GZMM: variants seen among roughly 807,000 people sequenced by gnomAD.
GZMM encodes HU-Met-1.
GZMM carries 23 observed loss-of-function variants against 19.2 expected under a neutral mutation model. That is an observed-to-expected ratio of 1.20 (90% confidence interval 0.86 to 1.69). The LOEUF is 1.69. Among genes scored for constraint, GZMM ranks in the 40% most tolerant of loss-of-function variants. The pLI, the probability that GZMM is intolerant of heterozygous loss-of-function variation, is 0.00. For synonymous variants in GZMM, 178 were observed against 160.2 expected, an observed-to-expected ratio of 1.11 and a Z score of -0.84; for missense variants, 373 against 352.2, an observed-to-expected ratio of 1.06 and a Z score of -0.47.
intron 3 of GZMM, 71 bp from the exon 4 acceptor site, chr19:548,851 C>A (rs1403076363): frequency 3.3e-6 from 2 of 604,882 alleles, no homozygotes; most frequent in Non-Finnish European, 5.6e-6. Flanking sequence ...ACCCCTCCCC[C>A]CGCTGCCGCC....
rs569015004 is a variant in GZMM at position 549,916 on chromosome 19, G to A, written c.*125G>A. On this transcript the variant is annotated 3_prime_UTR_variant, in exon 5 of 5. Transcript: ENST00000264553. ...GACCAATAAATCATAATGAAGAAAC[G>A]CTCAGAGCCCGCCTGAGTCCCAGCC... 2.1e-5 allele frequency: 16 copies of A among 748,284 alleles called. No individual in the cohort carries two copies. Among genetic ancestry groups the A allele is most frequent in the Middle Eastern group, 7.7e-4 (2 of 2,586 alleles). The allele number at this position is 748,284 out of a possible 1,614,324, so 46.4% of individuals were successfully genotyped here.
At chr19:545,747 G>C (rs576262399) in intron 1 of GZMM, among the ~76,000 whole-genome samples, 2 of 151,816 alleles carry the variant, frequency 1.3e-5, no homozygotes, top group South Asian at 2.1e-4. Flanking sequence ...GGGTTCAAGC[G>C]ATTCTCCTGT....
chr19:544,174 C>T (rs749793332), intron 1 of GZMM, 48 bp downstream of exon 1: 70 of 1,481,476 alleles, frequency 4.7e-5, no homozygotes, highest in East Asian at 1.5e-4. Flanking sequence ...CCAGCGCTCT[C>T]GGTGGGTCCC....
Position 547,315 on chromosome 19 carries a change from G to C in GZMM, c.91G>C (p.Glu31Gln). ...SFGTQIIGGR[E>Q]VIPHSRPYMA... ...TGGGACCCAGATCATCGGGGGCCGGGAGGTGATCCCCCACTCGCGCCCGTA... is the reference window on the plus strand; with the variant it reads ...TGGGACCCAGATCATCGGGGGCCGGCAGGTGATCCCCCACTCGCGCCCGTA... Residue 31 changes from glutamate to glutamine, a missense_variant, in exon 2 of 5, where the codon GAG (glutamate) becomes CAG (glutamine). By Grantham distance (29) the Glu-to-Gln change is conservative (BLOSUM62 2). Transcript: ENST00000264553. 1 of 1,570,932 alleles carries C rather than the reference G, an allele frequency of 6.4e-7. No homozygotes were observed. Among genetic ancestry groups the C allele is most frequent in the Non-Finnish European group, 8.6e-7 (1 of 1,159,638 alleles).
intron 4 of GZMM, 40 bp downstream of exon 4, chr19:549,225 C>G: frequency 6.6e-7 from 1 of 1,518,088 alleles, no homozygotes; most frequent in East Asian, 2.5e-5. Context: ...ATGAGGCTGG[C>G]GGGAGGGCCG....
At chr19:546,781 T>C in intron 1 of GZMM, among the ~76,000 whole-genome samples, 1 of 151,754 alleles carries the variant, frequency 6.6e-6, no homozygotes, top group Admixed American at 6.6e-5. Context: ...GAGCTTGCAG[T>C]GAGCCGAGAT....
chr19:548,837 T>G, intron 3 of GZMM, 85 bp from the exon 4 acceptor site: 2 of 320,564 alleles, frequency 6.2e-6, no homozygotes, highest in Non-Finnish European at 5.7e-6. Flanking sequence ...CTCCCCCCAC[T>G]GCCACCCCTC....
intron 1 of GZMM, 50 bp from the exon 2 acceptor site, chr19:547,230 C>CA: frequency 7.0e-7 from 1 of 1,433,574 alleles, no homozygotes; most frequent in African/African-American, 1.5e-5. Context: ...TCGCAGCAGG[C>CA]AGCAGGGGCA....
At position 549,751 on chromosome 19, in the gene GZMM, AC is replaced by A. The variant is rs1408799417; in HGVS notation, c.735del (p.Tyr245Ter). On this transcript the variant is annotated frameshift_variant, in exon 5 of 5. Transcript: ENST00000264553. LOFTEE classifies it low-confidence loss of function (END_TRUNC). ...CCCGTGGCCACCGCTGTGGCGCCTTACGTGTCCTGGATCAGGAAGGTCACCG... is the reference window on the plus strand; with the variant it reads ...CCCGTGGCCACCGCTGTGGCGCCTTAGTGTCCTGGATCAGGAAGGTCACCG... ...KPPVATAVAP[Y>X]VSWIRKVTGR... The A allele has an allele frequency of 1.2e-6, 2 of 1,613,412 alleles. No homozygotes were observed. The highest frequency in any genetic ancestry group is 1.7e-6 in the Non-Finnish European group (2 of 1,179,922).
Position 549,546 on chromosome 19 carries a change from TGGCCCTGCTCCCCTCGGCG to T in GZMM, c.613-67_613-49del, listed in dbSNP as rs778685093. On this transcript the variant is annotated intron_variant, in intron 4 of 4. Transcript: ENST00000264553. ...TCCTTGAGCCTGGGGATAACAGGCC[TGGCCCTGCTCCCCTCGGCG>T]GGCCCTGCTCCCCTCGTCCCCTCAG... 2.5e-3 allele frequency: 3,463 copies of T among 1,396,512 alleles called. 4 individuals are homozygous for T. Among genetic ancestry groups the T allele is most frequent in the Non-Finnish European group, 3.1e-3 (3,145 of 1,030,792 alleles). The allele number at this position is 1,396,512 out of a possible 1,614,324, so 86.5% of individuals were successfully genotyped here.
chr19:546,763 A>G (rs1370254121), intron 1 of GZMM, among the ~76,000 whole-genome samples: 8 of 152,002 alleles, frequency 5.3e-5, no homozygotes, highest in Non-Finnish European at 1.5e-5. Flanking sequence ...GCATGAACCC[A>G]GGAGGCGGAG....
chr19:547,297 C>T lies in GZMM; in HGVS notation c.73C>T (p.Gln25Ter). ...ALSVGSSFGTQIIGGREVIPH... is the reference protein window; with the variant it reads ...ALSVGSSFGT ...CCTGGCAGGCAGCTCCTTTGGGACC[C>T]AGATCATCGGGGGCCGGGAGGTGAT... Residue 25 changes from glutamine (Q) to a stop codon, truncating the protein, a stop_gained, in exon 2 of 5, where the codon CAG becomes TAG. Transcript: ENST00000264553. LOFTEE classifies it high-confidence loss of function. 1 of 1,545,124 alleles carries T rather than the reference C, an allele frequency of 6.5e-7. No homozygotes were observed. The highest frequency in any genetic ancestry group is 8.7e-7 in the Non-Finnish European group (1 of 1,147,070).
Position 549,842 on chromosome 19 carries a change from T to C in GZMM, c.*51T>C. On this transcript the variant is annotated 3_prime_UTR_variant, in exon 5 of 5. Transcript: ENST00000264553. ...CGCTGTCTCCACAGGACCCTTCCCC[T>C]CCAGGGGTGCAGTGGGGTGGGTGAG... The C allele has an allele frequency of 1.2e-6, 1 of 805,456 alleles. No homozygotes were observed. Among genetic ancestry groups the C allele is most frequent in the Non-Finnish European group, 1.9e-6 (1 of 520,162 alleles). 49.9% of individuals were successfully genotyped at this position (805,456 alleles called of 1,614,324 possible).
rs1371255813 is a variant in GZMM at position 545,648 on chromosome 19, A to AT, written c.55+1534dup. 7.0e-3 allele frequency among the ~76,000 whole-genome samples: 693 copies of AT among 99,140 alleles called. 3 individuals carry two copies. The highest frequency in any genetic ancestry group is 0.069 in the Middle Eastern group (7 of 102). The allele number at this position is 99,140 out of a possible 152,430, so 65.0% of individuals were successfully genotyped here. ...AGGCGTGAGCCACCGCGCCCGGCCT[A>AT]TTTTTTTTTTTTAAGATGGAGTTCT... On this transcript the variant is annotated intron_variant, in intron 1 of 4. Coordinates refer to ENST00000264553, the MANE Select transcript of GZMM (RefSeq NM_005317.4).
chr19:544,176 G>A (rs2145856672), intron 1 of GZMM, 50 bp downstream of exon 1: 2 of 1,477,928 alleles, frequency 1.4e-6, no homozygotes, highest in Admixed American at 2.0e-5. Context: ...AGCGCTCTCG[G>A]TGGGTCCCTG....
intron 2 of GZMM, 31 bp from the exon 3 acceptor site, chr19:548,511 G>A (rs777364906): frequency 1.2e-6 from 2 of 1,609,804 alleles, no homozygotes; most frequent in Admixed American, 1.7e-5. Context: ...GCCGGGCCAG[G>A]CCGCAGCACC....
In GZMM at chr19:549,756, T is replaced by G; in HGVS notation, c.739T>G (p.Ser247Ala). 4.3e-6 allele frequency: 7 copies of G among 1,613,476 alleles called. No homozygotes were observed. Among genetic ancestry groups the G allele is most frequent in the Non-Finnish European group, 5.9e-6 (7 of 1,179,904 alleles). ...GGCCACCGCTGTGGCGCCTTACGTG[T>G]CCTGGATCAGGAAGGTCACCGGCCG... ...PVATAVAPYV[S>A]WIRKVTGRSA The change falls in exon 5 of 5, where the codon TCC (serine) becomes GCC (alanine). Residue 247 changes from serine (S) to alanine (A), a missense_variant. By Grantham distance (99) the Ser-to-Ala change is moderately conservative. Coordinates refer to ENST00000264553, the MANE Select transcript of GZMM (RefSeq NM_005317.4).
At chr19:547,251 A>C in intron 1 of GZMM, 29 bp from the exon 2 acceptor site, 1 of 1,483,844 alleles carries the variant, frequency 6.7e-7, no homozygotes, top group Non-Finnish European at 9.0e-7. Flanking sequence ...TGTAGCCCCA[A>C]CCTGGCTCTT....
In GZMM at chr19:549,049, T is replaced by G; in HGVS notation, c.476T>G (p.Leu159Arg). The change falls in exon 4 of 5, where the codon CTG becomes CGG. Residue 159 changes from leucine (L) to arginine (R), a missense_variant. By Grantham distance (102) the Leu-to-Arg change is moderately radical. Coordinates refer to ENST00000264553, the MANE Select transcript of GZMM (RefSeq NM_005317.4). ...GWGLTHQGGRLSRVLRELDLQ... is the reference protein window; with the variant it reads ...GWGLTHQGGRRSRVLRELDLQ... The stretch of plus-strand genomic sequence containing the variant: ...GGGCTGACCCACCAGGGCGGGCGCC[T>G]GTCCCGGGTGCTGCGGGAGCTGGAC... The G allele has an allele frequency of 6.3e-7, 1 of 1,595,988 alleles. No individual in the cohort carries two copies. The highest frequency in any genetic ancestry group is 1.1e-5 in the South Asian group (1 of 88,068).
Sources: gnomAD v4.1 joint callset for allele counts (sites outside exome capture counted in the v4.1 genomes callset) on GRCh38, gnomAD v4.1.1 for gene constraint, MANE v1.5 for transcripts, NCBI Gene and HGNC (gene_info 2026-07-23, HGNC 2026-07-21) for gene names.